Variants in SLC27A1 observed in about 807,000 individuals in gnomAD.
SLC27A1 encodes the protein long-chain fatty acid transport protein 1.
A neutral mutation model predicts 62.2 loss-of-function variants in SLC27A1; 61 were observed. The ratio of observed to expected loss-of-function variants is 0.98; its 90% CI spans 0.80 to 1.21. The LOEUF is 1.21. Among genes scored for constraint, SLC27A1 ranks in the 50% most tolerant of loss-of-function variants. The pLI is 0.00. For missense variants in SLC27A1, 903 were observed against 932.1 expected, an observed-to-expected ratio of 0.97 and a Z score of 0.41; for synonymous variants, 435 against 408.6, an observed-to-expected ratio of 1.06 and a Z score of -0.78.
rs569693873 is a variant in SLC27A1, at chr19:17,478,399, G to A, written c.167+7692G>A. Among the ~76,000 whole-genome samples the A allele has an allele frequency of 4.0e-5, 6 of 149,638 alleles. No homozygotes were observed. In the East Asian group the frequency reaches 6.0e-4, roughly 15 times the overall value. ...GGAAAATCGCTTGAACCTGGGAGGC[G>A]GAGTCTGCAGTGAGCCAAGATTGTG... On this transcript the variant is annotated intron_variant, in intron 1 of 11. Coordinates refer to ENST00000252595, the MANE Select transcript of SLC27A1 (RefSeq NM_198580.3).
intron 1 of SLC27A1, among the ~76,000 whole-genome samples, chr19:17,484,679 A>C (rs2075211507): frequency 1.3e-5 from 2 of 152,098 alleles, no homozygotes; most frequent in Admixed American, 6.6e-5. Flanking sequence ...AGATGGAATG[A>C]ATGATGGAAT....
In SLC27A1 at chr19:17,504,918, A is replaced by T; in HGVS notation, c.*306A>T. The stretch of plus-strand genomic sequence containing the variant: ...TTTCTTTCTTTTTTTTTTAAGATAG[A>T]GTCTCACTCTGCTGCCCGGGCTAGA... On this transcript the variant is annotated 3_prime_UTR_variant, in exon 12 of 12. Coordinates refer to ENST00000252595, the MANE Select transcript of SLC27A1 (RefSeq NM_198580.3). 2.0e-6 allele frequency: 1 copy of T among 505,374 alleles called. No individual in the cohort carries two copies. 31.3% of individuals were successfully genotyped at this position (505,374 alleles called of 1,614,324 possible). A position where few individuals can be genotyped will look rare whatever the true frequency, so the allele number is the denominator to read the frequency against.
chr19:17,499,833 G>GGGAGGAAC (rs1401130979), intron 7 of SLC27A1: 1 of 160,094 alleles, frequency 6.2e-6, no homozygotes, highest in East Asian at 1.8e-4. Flanking sequence ...AAGGAAGGAA[G>GGGAGGAAC]GGAGGAACGG....
chr19:17,488,906 C>T lies in SLC27A1; in HGVS notation c.853C>T (p.Leu285Phe). 1 of 1,614,148 alleles carries T rather than the reference C, an allele frequency of 6.2e-7. No individual in the cohort carries two copies. ...CTACCGCATGCAGGCGGCTGACGTGCTCTATGACTGCCTGCCCCTGTACCA... is the reference window on the plus strand; with the variant it reads ...CTACCGCATGCAGGCGGCTGACGTGTTCTATGACTGCCTGCCCCTGTACCA... ...HAYRMQAADVLYDCLPLYHSA... is the reference protein window; with the variant it reads ...HAYRMQAADVFYDCLPLYHSA... Residue 285 changes from leucine to phenylalanine, a missense_variant, in exon 5 of 12, where the codon CTC (leucine) becomes TTC (phenylalanine). Transcript: ENST00000252595.
At chr19:17,477,035 C>A (rs1161613165) in intron 1 of SLC27A1, among the ~76,000 whole-genome samples, 1 of 151,466 alleles carries the variant, frequency 6.6e-6, no homozygotes, top group Non-Finnish European at 1.5e-5. Flanking sequence ...ACTATAGGTG[C>A]CCACCACCAC....
In SLC27A1 at chr19:17,470,664, C is replaced by A; in HGVS notation, c.124C>A (p.Arg42Ser). The change falls in exon 1 of 12, where the codon CGC (arginine) becomes AGC (serine). Residue 42 changes from arginine to serine, a missense_variant. Arg to Ser is a moderately radical substitution (Grantham distance 110). Transcript: ENST00000252595. The stretch of plus-strand genomic sequence containing the variant: ...CGTGTACGTGGGCAGCGGCGGCTGG[C>A]GCTTCCTGCGCATCGTCTGCAAGAC... Reference protein sequence around the residue: ...LGVYVGSGGWRFLRIVCKTAR... With the variant: ...LGVYVGSGGWSFLRIVCKTAR... The A allele has an allele frequency of 6.3e-7, 1 of 1,575,766 alleles. No homozygotes were observed. The highest frequency in any genetic ancestry group is 1.1e-5 in the South Asian group (1 of 87,746).
chr19:17,477,501 C>G (rs1008220349), intron 1 of SLC27A1, among the ~76,000 whole-genome samples: 2 of 151,346 alleles, frequency 1.3e-5, no homozygotes, highest in African/African-American at 2.4e-5. Context: ...ACCTTGGCCT[C>G]CCAAAGAGCT....
chr19:17,501,333 A>G lies in SLC27A1; in HGVS notation c.1697A>G (p.Asn566Ser), dbSNP rs147019427. ...VADPHSLLDP[N>S]AIYQELQKVL... ...GACCCCCACAGCCTGCTGGACCCCA[A>G]CGCGATATACCAGGAGCTGCAGAAG... The change falls in exon 11 of 12, where the codon AAC becomes AGC. Residue 566 changes from asparagine (N) to serine (S), a missense_variant. Transcript: ENST00000252595. The G allele has an allele frequency of 4.2e-5, 68 of 1,613,870 alleles. No homozygotes were observed. The African/African-American group carries it at 6.5e-4, about 16-fold the overall frequency.
At chr19:17,493,753 TAGCTGGGATTACAGGGGTCTACCACCA>T (rs1397798044) in intron 6 of SLC27A1, among the ~76,000 whole-genome samples, 14 of 151,658 alleles carry the variant, frequency 9.2e-5, no homozygotes, top group African/African-American at 3.1e-4. Flanking sequence ...GCCTCCTGAG[TAGCTGGGATTACAGGGGTCTACCACCA>T]AGCCTAGCTA....
intron 4 of SLC27A1, among the ~76,000 whole-genome samples, chr19:17,487,814 C>T (rs1234778589): frequency 6.6e-6 from 1 of 152,086 alleles, no homozygotes; most frequent in East Asian, 1.9e-4. Context: ...ACTCTGGGGC[C>T]CCTCTCATCC....
rs1285297115 is a variant in SLC27A1 at position 17,499,698 on chromosome 19, C to T, written c.1207-580C>T. On this transcript the variant is annotated intron_variant, in intron 7 of 11. Coordinates refer to ENST00000252595, the MANE Select transcript of SLC27A1 (RefSeq NM_198580.3). The stretch of plus-strand genomic sequence containing the variant: ...GGCTCAGTGGCATGCGCCTGTAATC[C>T]CAGACTCAGGAGGCTGAGGCATAAG... 2.0e-5 allele frequency among the ~76,000 whole-genome samples: 3 copies of T among 151,892 alleles called. No homozygotes were observed. The East Asian group carries it at 5.8e-4, about 29-fold the overall frequency.
intron 4 of SLC27A1, among the ~76,000 whole-genome samples, chr19:17,488,420 C>T (rs1428391094): frequency 6.6e-6 from 1 of 152,110 alleles, no homozygotes; most frequent in African/African-American, 2.4e-5. Flanking sequence ...TGCCACTTCC[C>T]TGATGTCATT....
In SLC27A1 at chr19:17,487,303, C is replaced by A; in HGVS notation, c.692C>A (p.Pro231His). 4 of 1,612,954 alleles carry A rather than the reference C, an allele frequency of 2.5e-6. No individual in the cohort carries two copies. The highest frequency in any genetic ancestry group is 3.4e-6 in the Non-Finnish European group (4 of 1,179,632). ...CTGCTGAAGGAGGCCTCTACTGCCC[C>A]CTTGGCACAGATCCCCAGCAAGGGC... is the stretch of plus-strand genomic sequence containing the variant. ...DPLLKEASTA[P>H]LAQIPSKGMD... The change falls in exon 3 of 12, where the codon CCC (proline) becomes CAC (histidine). Residue 231 changes from proline to histidine, a missense_variant. Physicochemically the swap from Pro to His is moderately conservative, Grantham distance 77 (BLOSUM62 -2). Transcript: ENST00000252595.
At chr19:17,473,177 C>T (rs558624941) in intron 1 of SLC27A1, among the ~76,000 whole-genome samples, 20 of 152,224 alleles carry the variant, frequency 1.3e-4, no homozygotes, top group African/African-American at 4.6e-4. Context: ...CAGCGATCAC[C>T]CAATTTCAGC....
At chr19:17,502,684 T>TTTTG (rs372968860) in intron 11 of SLC27A1, among the ~76,000 whole-genome samples, 29 of 151,892 alleles carry the variant, frequency 1.9e-4, no homozygotes, top group East Asian at 1.9e-4. Context: ...CTTTTGTTTT[T>TTTTG]TTTGTTTGTT....
At chr19:17,496,544 GC>G (rs962183807) in intron 6 of SLC27A1, 4 of 153,462 alleles carry the variant, frequency 2.6e-5, no homozygotes, top group African/African-American at 9.6e-5. Context: ...GCTCCGGCCA[GC>G]CCAGGCTCAG....
At chr19:17,479,349 T>C (rs2075153766) in intron 1 of SLC27A1, among the ~76,000 whole-genome samples, 1 of 152,220 alleles carries the variant, frequency 6.6e-6, no homozygotes, top group Non-Finnish European at 1.5e-5. Flanking sequence ...CTGGATTTGC[T>C]GTCTTTGTCA....
chr19:17,500,244 C>A (rs751359594), intron 7 of SLC27A1, 34 bp from the exon 8 acceptor site: 1 of 1,605,986 alleles, frequency 6.2e-7, no homozygotes, highest in Admixed American at 1.7e-5. Flanking sequence ...CCGCATATCC[C>A]CGGCTCCTTC....
intron 6 of SLC27A1, among the ~76,000 whole-genome samples, chr19:17,493,427 CAAAAAAAAAAA>C (rs769247313): frequency 2.8e-5 from 2 of 72,034 alleles, no homozygotes; most frequent in Non-Finnish European, 4.6e-5. Context: ...AACTCCATCT[CAAAAAAAAAAA>C]AAAAAAAAAA....
Sources: allele counts gnomAD v4.1 joint callset (sites outside exome capture counted in the v4.1 genomes callset), GRCh38; gene constraint gnomAD v4.1.1; transcripts MANE v1.5; gene names NCBI Gene and HGNC (gene_info 2026-07-23, HGNC 2026-07-21).